The following KIFBP variants were observed in gnomAD, a reference collection of about 807,000 sequenced individuals.
The protein encoded by KIFBP is kinesin family binding protein, also known as KIF-binding protein.
KIFBP carries 46 observed loss-of-function variants against 58.9 expected under a neutral mutation model. The ratio of observed to expected loss-of-function variants is 0.78; its 90% CI spans 0.62 to 1.00. KIFBP has a LOEUF of 1.00. KIFBP is among the 50% of genes least tolerant of loss of function. KIFBP has a pLI of 0.00. For missense variants in KIFBP, 651 were observed against 752.9 expected (o/e 0.86, Z 1.58); for synonymous variants, 241 against 283.4 (o/e 0.85, Z 1.50).
rs1203881667 is a variant in KIFBP, at chr10:69,008,870, A to G, written c.819A>G (p.Leu273=). Residue 273 remains leucine (L), a synonymous_variant, in exon 5 of 7, where the codon TTA becomes TTG. Coordinates refer to ENST00000361983, the MANE Select transcript of KIFBP (RefSeq NM_015634.4). ...GCTTTATGGAGGCCAGGCACTGTTT[A>G]TCAGCTGCTAATGTCATTTTTGGTC... ...KLCFMEARHC[L]SAANVIFGQT... is the part of the protein sequence containing the mutation. 3 of 1,613,834 alleles carry G rather than the reference A, an allele frequency of 1.9e-6. No individual in the cohort carries two copies. Among genetic ancestry groups the G allele is most frequent in the Middle Eastern group, 1.7e-4 (1 of 6,056 alleles).
At chr10:69,008,391 A>ATATATATATATATATATATAT (rs1554843385) in intron 4 of KIFBP, among the ~76,000 whole-genome samples, 1 of 71,588 alleles carries the variant, frequency 1.4e-5, no homozygotes, top group African/African-American at 7.8e-5. Flanking sequence ...AAAAAAAAAA[A>ATATATATATATATATATATAT]ATATATATAT....
At chr10:69,000,157 G>A (rs1263729791) in intron 1 of KIFBP, among the ~76,000 whole-genome samples, 4 of 151,780 alleles carry the variant, frequency 2.6e-5, no homozygotes, top group Admixed American at 6.6e-5. Flanking sequence ...TAGTCTAGTC[G>A]TGAGAAGCAC....
intron 6 of KIFBP, 153 bp downstream of exon 6, chr10:69,011,168 C>T (rs1016158968): frequency 1.4e-5 from 9 of 657,552 alleles, no homozygotes; most frequent in Admixed American, 6.6e-5. Context: ...GGTTTTAAAT[C>T]GTATTCTTCG....
In KIFBP at chr10:68,988,939, A is replaced by C. The variant is rs763921922; in HGVS notation, c.107A>C (p.Lys36Thr). The C allele has an allele frequency of 7.4e-6, 12 of 1,614,088 alleles. No individual in the cohort carries two copies. In the South Asian group the frequency reaches 1.3e-4, roughly 18 times the overall value. The change falls in exon 1 of 7, where the codon AAA becomes ACA. Residue 36 changes from lysine to threonine, a missense_variant. Physicochemically the swap from Lys to Thr is moderately conservative, Grantham distance 78. Coordinates refer to ENST00000361983, the MANE Select transcript of KIFBP (RefSeq NM_015634.4). ...CCGGAGAAGGAACCATACAAGTCCA[A>C]ATACAGCGCCCGGGCGCTACTGGAA... ...KNPEKEPYKS[K>T]YSARALLEEV...
chr10:68,990,139 C>T (rs1283538938), intron 1 of KIFBP, among the ~76,000 whole-genome samples: 1 of 152,180 alleles, frequency 6.6e-6, no homozygotes, highest in Non-Finnish European at 1.5e-5. Flanking sequence ...GTATTAATAA[C>T]TTTCTTGGGA....
At chr10:69,006,162 T>A (rs1470509735) in intron 4 of KIFBP, among the ~76,000 whole-genome samples, 1 of 152,182 alleles carries the variant, frequency 6.6e-6, no homozygotes, top group African/African-American at 2.4e-5. Flanking sequence ...AGACCAATTC[T>A]TTTTTTAACA....
At chr10:68,995,053 C>G (rs575477340) in intron 1 of KIFBP, among the ~76,000 whole-genome samples, 2 of 152,074 alleles carry the variant, frequency 1.3e-5, no homozygotes, top group East Asian at 3.9e-4. Flanking sequence ...GGGTCTGGCT[C>G]TGTCACCCAG....
chr10:69,008,036 A>C (rs953877592), intron 4 of KIFBP, among the ~76,000 whole-genome samples: 54 of 152,120 alleles, frequency 3.5e-4, no homozygotes, highest in African/African-American at 1.2e-3. Flanking sequence ...GTAAAGTTTA[A>C]AGATTTTAGA....
intron 6 of KIFBP, among the ~76,000 whole-genome samples, chr10:69,013,037 GGA>G (rs377167248): frequency 4.6e-5 from 7 of 151,770 alleles, no homozygotes; most frequent in Non-Finnish European, 7.4e-5. Flanking sequence ...ATGGCAAGCA[GGA>G]GAGAGAGAGA....
At chr10:69,006,135 GT>G (rs1433631233) in intron 4 of KIFBP, 1 of 566,718 alleles carries the variant, frequency 1.8e-6, no homozygotes, top group African/African-American at 1.9e-5. Context: ...TTTTATCATT[GT>G]TTTACATGTT....
chr10:68,989,609 A>G, intron 1 of KIFBP: 1 of 337,786 alleles, frequency 3.0e-6, no homozygotes, highest in Non-Finnish European at 5.5e-6. Context: ...ACTCCTGTTC[A>G]TTCTGTTAAG....
At position 68,989,235 on chromosome 10, in the gene KIFBP, A is replaced by G. The variant is rs757478269; in HGVS notation, c.403A>G (p.Ile135Val). The change falls in exon 1 of 7, where the codon ATC becomes GTC. Residue 135 changes from isoleucine to valine, a missense_variant. By Grantham distance (29) the Ile-to-Val change is conservative (BLOSUM62 3). Transcript: ENST00000361983. ...CAGGTACCGGCTCTCGCACGACTGC[A>G]TCTCTCTCTGCATCCAGGCGCAGGT... ...LRRYRLSHDC[I>V]SLCIQAQNNL... The G allele has an allele frequency of 6.2e-7, 1 of 1,613,486 alleles. No homozygotes were observed.
In KIFBP at chr10:68,988,827, G is replaced by C. The variant is rs1334265406; in HGVS notation, c.-6G>C. 15 of 1,614,160 alleles carry C rather than the reference G, an allele frequency of 9.3e-6. No homozygotes were observed. Among genetic ancestry groups the C allele is most frequent in the Non-Finnish European group, 1.2e-5 (14 of 1,180,062 alleles). ...CATTGAGGAAAGCCAGGCAGTAGAG[G>C]CCGCTATGGCGAACGTTCCGTGGGC... On this transcript the variant is annotated 5_prime_UTR_variant, in exon 1 of 7. Coordinates refer to ENST00000361983, the MANE Select transcript of KIFBP (RefSeq NM_015634.4).
chr10:68,990,359 G>C (rs1051816119), intron 1 of KIFBP, among the ~76,000 whole-genome samples: 1 of 151,942 alleles, frequency 6.6e-6, no homozygotes, highest in African/African-American at 2.4e-5. Context: ...GTGAGACTCT[G>C]TCTCTTAAAC....
intron 4 of KIFBP, 126 bp from the exon 5 acceptor site, chr10:69,008,715 G>A (rs1464411697): frequency 7.7e-6 from 6 of 775,658 alleles, no homozygotes; most frequent in Non-Finnish European, 1.4e-5. Flanking sequence ...CAACTCTACA[G>A]GGCCTCCTTT....
At chr10:69,011,958 T>C (rs1016974003) in intron 6 of KIFBP, among the ~76,000 whole-genome samples, 2 of 152,040 alleles carry the variant, frequency 1.3e-5, no homozygotes, top group African/African-American at 2.4e-5. Flanking sequence ...CCCAAAGTGC[T>C]GGGATTACAG....
At position 68,988,929 on chromosome 10, in the gene KIFBP, T is replaced by C. The variant is rs1324154278; in HGVS notation, c.97T>C (p.Tyr33His). The change falls in exon 1 of 7, where the codon TAC (tyrosine) becomes CAC (histidine). Residue 33 changes from tyrosine to histidine, a missense_variant. Coordinates refer to ENST00000361983, the MANE Select transcript of KIFBP (RefSeq NM_015634.4). The part of the protein sequence containing the change: ...ELHKNPEKEP[Y>H]KSKYSARALL... ...GCATAAAAATCCGGAGAAGGAACCA[T>C]ACAAGTCCAAATACAGCGCCCGGGC... is the stretch of plus-strand genomic sequence containing the variant. The C allele has an allele frequency of 1.9e-6, 3 of 1,614,192 alleles. No homozygotes were observed. The highest frequency in any genetic ancestry group is 8.5e-7 in the Non-Finnish European group (1 of 1,180,030).
chr10:68,999,126 C>T (rs530059969), intron 1 of KIFBP, among the ~76,000 whole-genome samples: 1 of 150,554 alleles, frequency 6.6e-6, no homozygotes, highest in East Asian at 2.0e-4. Flanking sequence ...GAGACAGAGT[C>T]TTGCTCCATC....
At chr10:68,991,495 A>T in intron 1 of KIFBP, 7 of 405,680 alleles carry the variant, frequency 1.7e-5, no homozygotes, top group South Asian at 1.4e-4. Flanking sequence ...CCGAACTAAG[A>T]AATGAATAAC....
Sources: gnomAD v4.1 joint callset for allele counts (sites outside exome capture counted in the v4.1 genomes callset) on GRCh38, gnomAD v4.1.1 for gene constraint, MANE v1.5 for transcripts, NCBI Gene and HGNC (gene_info 2026-07-23, HGNC 2026-07-21) for gene names.